Variants in LRRC4C observed in about 807,000 individuals in gnomAD.
LRRC4C encodes the protein leucine rich repeat containing 4C.
A neutral mutation model predicts 33.6 loss-of-function variants in LRRC4C; 5 were observed. The observed-to-expected ratio is 0.15, with a 90% confidence interval of 0.08 to 0.31. The LOEUF is 0.31. LRRC4C is among the 10% of genes least tolerant of loss of function. The pLI is 1.00. For synonymous variants in LRRC4C, 329 were observed against 302.0 expected (o/e 1.09, Z -0.93); for missense variants, 560 against 796.7 (o/e 0.70, Z 3.58).
rs1469899707 is a variant in LRRC4C, at chr11:41,280,040, A to C, written c.-496+179391T>G. 2.0e-5 allele frequency among the ~76,000 whole-genome samples: 3 copies of C among 152,102 alleles called. No individual in the cohort carries two copies. In the East Asian group the frequency reaches 5.8e-4, roughly 29 times the overall value. On this transcript the variant is annotated intron_variant, in intron 1 of 6. Transcript: ENST00000528697. ...ACCTAAATAGAATGGGTTTTAGTGA[A>C]TATTTTATAGTATGTTTTAATTTAA...
intron 1 of LRRC4C, among the ~76,000 whole-genome samples, chr11:41,199,795 A>G (rs772003250): frequency 1.3e-5 from 2 of 152,110 alleles, no homozygotes; most frequent in African/African-American, 2.4e-5. Flanking sequence ...TTCTTTCTGC[A>G]AAGTGTTTTC....
intron 1 of LRRC4C, among the ~76,000 whole-genome samples, chr11:41,217,209 A>G (rs1245875194): frequency 6.6e-6 from 1 of 152,206 alleles, no homozygotes; most frequent in Non-Finnish European, 1.5e-5. Flanking sequence ...ATGTTCTGTT[A>G]GAAATTACTT....
At chr11:40,575,459 G>C (rs1179301599) in intron 3 of LRRC4C, among the ~76,000 whole-genome samples, 1 of 151,878 alleles carries the variant, frequency 6.6e-6, no homozygotes, top group Non-Finnish European at 1.5e-5. Context: ...GCTAAAACCA[G>C]TAAAATCTCA....
chr11:40,939,317 C>T (rs1271433775), intron 1 of LRRC4C, among the ~76,000 whole-genome samples: 3 of 152,134 alleles, frequency 2.0e-5, no homozygotes, highest in Non-Finnish European at 4.4e-5. Flanking sequence ...CTAAAATTAT[C>T]TCTTCAATGT....
At chr11:40,813,030 T>C (rs1019696200) in intron 2 of LRRC4C, among the ~76,000 whole-genome samples, 1 of 152,166 alleles carries the variant, frequency 6.6e-6, no homozygotes, top group Non-Finnish European at 1.5e-5. Flanking sequence ...TCTATAAAAT[T>C]CCCCAATTTT....
chr11:40,520,428 A>G (rs1205502223), intron 3 of LRRC4C, among the ~76,000 whole-genome samples: 3 of 152,138 alleles, frequency 2.0e-5, no homozygotes, highest in Admixed American at 2.0e-4. Flanking sequence ...ATACTTACTG[A>G]TTATTGAAGG....
At chr11:40,705,355 C>A (rs1456224855) in intron 2 of LRRC4C, among the ~76,000 whole-genome samples, 1 of 151,914 alleles carries the variant, frequency 6.6e-6, no homozygotes, top group South Asian at 2.1e-4. Flanking sequence ...ATCCCTCCCC[C>A]ATCCCCTCAA....
intron 2 of LRRC4C, among the ~76,000 whole-genome samples, chr11:40,686,553 C>T (rs1944965842): frequency 6.6e-6 from 1 of 151,850 alleles, no homozygotes. Context: ...TAATAGGTAG[C>T]CAGAGTCCAG....
intron 3 of LRRC4C, among the ~76,000 whole-genome samples, chr11:40,592,000 G>A (rs529244786): frequency 6.6e-6 from 1 of 152,234 alleles, no homozygotes; most frequent in African/African-American, 2.4e-5. Flanking sequence ...ACCACTTCTG[G>A]TTTGGAGCTG....
intron 2 of LRRC4C, among the ~76,000 whole-genome samples, chr11:40,707,858 G>C (rs1946248537): frequency 2.0e-5 from 3 of 152,104 alleles, no homozygotes; most frequent in East Asian, 3.9e-4. Flanking sequence ...TTTTTGGTTG[G>C]TAACCTATTA....
At chr11:40,130,607 G>A (rs1856582552) in intron 6 of LRRC4C, among the ~76,000 whole-genome samples, 1 of 152,260 alleles carries the variant, frequency 6.6e-6, no homozygotes, top group Admixed American at 6.5e-5. Context: ...CTAGATGCCA[G>A]TAGCAACCTC....
chr11:40,607,354 G>T (rs79378985), intron 3 of LRRC4C, among the ~76,000 whole-genome samples: 5,682 of 152,134 alleles, frequency 0.037, 340 homozygotes, highest in African/African-American at 0.13. Context: ...ATGCTCAAAT[G>T]TTGCATTTTT....
chr11:40,986,679 A>C, intron 1 of LRRC4C, among the ~76,000 whole-genome samples: 1 of 152,174 alleles, frequency 6.6e-6, no homozygotes, highest in East Asian at 1.9e-4. Context: ...TAATTTATGA[A>C]TATAAAAACT....
chr11:40,307,762 C>T (rs1372005949), intron 4 of LRRC4C, among the ~76,000 whole-genome samples: 1 of 151,914 alleles, frequency 6.6e-6, no homozygotes, highest in African/African-American at 2.4e-5. Context: ...ACAAACGAAA[C>T]AAATGACTTA....
intron 1 of LRRC4C, among the ~76,000 whole-genome samples, chr11:40,987,649 A>ATATC (rs1209410081): frequency 8.2e-5 from 4 of 48,790 alleles, no homozygotes; most frequent in African/African-American, 3.2e-4. Flanking sequence ...ATATATATAT[A>ATATC]TATCTCATAT....
rs573930593 is a variant in LRRC4C, at chr11:41,300,768, T to C, written c.-496+158663A>G. On this transcript the variant is annotated intron_variant, in intron 1 of 6. Coordinates refer to ENST00000528697, the MANE Select transcript of LRRC4C (RefSeq NM_001258419.2). ...TCCAAAGAGTCAGCAATCATGTATC[T>C]AATTAGCAAATTTTGCTTGCACCTC... Among the ~76,000 whole-genome samples, 163 of 152,308 alleles carry C rather than the reference T, an allele frequency of 1.1e-3. 1 individual carries two copies. Among genetic ancestry groups the C allele is most frequent in the African/African-American group, 3.8e-3 (157 of 41,570 alleles).
chr11:41,406,566 C>T (rs1274207866), intron 1 of LRRC4C, among the ~76,000 whole-genome samples: 1 of 152,044 alleles, frequency 6.6e-6, no homozygotes, highest in African/African-American at 2.4e-5. Flanking sequence ...TCACTCTGCA[C>T]AGTACATATG....
chr11:40,657,892 A>G (rs1495315), intron 2 of LRRC4C, among the ~76,000 whole-genome samples: 95,915 of 151,886 alleles, frequency 0.63, 30,428 homozygotes, highest in East Asian at 0.71. Context: ...ACTTAGCTTC[A>G]TGTCCAGTTA....
intron 5 of LRRC4C, among the ~76,000 whole-genome samples, chr11:40,182,132 A>G (rs1164221069): frequency 6.6e-6 from 1 of 152,254 alleles, no homozygotes; most frequent in African/African-American, 2.4e-5. Flanking sequence ...TAAAGTAATA[A>G]GTAAAAAGTA....
Sources: allele counts gnomAD v4.1 joint callset (sites outside exome capture counted in the v4.1 genomes callset), GRCh38; gene constraint gnomAD v4.1.1; transcripts MANE v1.5; gene names NCBI Gene and HGNC (gene_info 2026-07-23, HGNC 2026-07-21).